CABLES1: variants seen among roughly 807,000 people sequenced by gnomAD.
The protein encoded by CABLES1 is Cdk5 and Abl enzyme substrate 1.
CABLES1 carries 36 observed loss-of-function variants against 57.8 expected under a neutral mutation model. The ratio of observed to expected loss-of-function variants is 0.62; its 90% CI spans 0.48 to 0.82. The LOEUF is 0.82. CABLES1 is among the 40% of genes least tolerant of loss of function. The probability of loss-of-function intolerance (pLI) is 0.00; values close to 1 mark genes in which losing one functional copy is unlikely to be tolerated. For missense variants in CABLES1, 767 were observed against 836.6 expected, an observed-to-expected ratio of 0.92 and a Z score of 1.03; for synonymous variants, 374 against 363.0, an observed-to-expected ratio of 1.03 and a Z score of -0.35.
At chr18:23,197,313 G>A (rs1474626223) in intron 3 of CABLES1, 1 of 152,242 alleles carries the variant, frequency 6.6e-6, no homozygotes, top group Admixed American at 6.5e-5. Context: ...TTCACCCTGT[G>A]ACACTGGACC....
intron 3 of CABLES1, among the ~76,000 whole-genome samples, chr18:23,211,814 T>TA (rs1199732513): frequency 6.6e-6 from 1 of 152,260 alleles, no homozygotes; most frequent in Non-Finnish European, 1.5e-5. Flanking sequence ...TATTGGCTGT[T>TA]ACGTCTCTGT....
At chr18:23,167,610 A>G (rs1414602564) in intron 1 of CABLES1, among the ~76,000 whole-genome samples, 1 of 152,156 alleles carries the variant, frequency 6.6e-6, no homozygotes, top group Non-Finnish European at 1.5e-5. Context: ...CTGTGCACCT[A>G]ATATGAGTTA....
chr18:23,179,682 T>C (rs2047150261), intron 1 of CABLES1, among the ~76,000 whole-genome samples: 1 of 152,210 alleles, frequency 6.6e-6, no homozygotes. Flanking sequence ...TGCTGCCAGG[T>C]GAGCAGTAAG....
chr18:23,178,439 C>T (rs977600690), intron 1 of CABLES1, among the ~76,000 whole-genome samples: 1 of 150,932 alleles, frequency 6.6e-6, no homozygotes. Flanking sequence ...GCCTGATGTC[C>T]TGATACCCTA....
chr18:23,238,434 A>G (rs2047659195), intron 7 of CABLES1, among the ~76,000 whole-genome samples: 1 of 152,224 alleles, frequency 6.6e-6, no homozygotes, highest in Non-Finnish European at 1.5e-5. Context: ...AGTCAAAGGC[A>G]TTTAGTTTGA....
At position 23,258,257 on chromosome 18, in the gene CABLES1, C is replaced by G. The variant is rs2048214267; in HGVS notation, c.*890C>G. ...TGGAGATGGCTGGGGCGGCGCCCCACAGTGTGTATTCCTGTCCTCTATGTT... is the reference window on the plus strand; with the variant it reads ...TGGAGATGGCTGGGGCGGCGCCCCAGAGTGTGTATTCCTGTCCTCTATGTT... On this transcript the variant is annotated 3_prime_UTR_variant, in exon 10 of 10. Coordinates refer to ENST00000256925, the MANE Select transcript of CABLES1 (RefSeq NM_001100619.3). The G allele has an allele frequency of 6.6e-6, 1 of 152,640 alleles. No homozygotes were observed. The highest frequency in any genetic ancestry group is 2.4e-5 in the African/African-American group (1 of 41,446). 9.5% of individuals were successfully genotyped at this position (152,640 alleles called of 1,614,324 possible).
At chr18:23,185,584 G>A (rs2047197047) in intron 1 of CABLES1, among the ~76,000 whole-genome samples, 2 of 152,104 alleles carry the variant, frequency 1.3e-5, no homozygotes, top group African/African-American at 2.4e-5. Flanking sequence ...TGCCCGAAGA[G>A]CCCACCCAGG....
intron 1 of CABLES1, among the ~76,000 whole-genome samples, chr18:23,162,537 C>T (rs746264818): frequency 2.6e-5 from 4 of 152,168 alleles, no homozygotes; most frequent in Non-Finnish European, 5.9e-5. Context: ...TTGGTTTTCA[C>T]CTTAAGGGAA....
chr18:23,179,017 G>A (rs1271859221), intron 1 of CABLES1, among the ~76,000 whole-genome samples: 2 of 152,174 alleles, frequency 1.3e-5, no homozygotes, highest in Non-Finnish European at 2.9e-5. Flanking sequence ...CGGGCGTGGT[G>A]GCTCACACCA....
chr18:23,167,292 CG>C (rs1465367168), intron 1 of CABLES1, among the ~76,000 whole-genome samples: 5 of 152,122 alleles, frequency 3.3e-5, no homozygotes, highest in African/African-American at 1.2e-4. Context: ...TGGAGGAACT[CG>C]GCCCCTCACG....
chr18:23,161,780 G>C (rs1438595682), intron 1 of CABLES1, among the ~76,000 whole-genome samples: 7 of 146,416 alleles, frequency 4.8e-5, no homozygotes, highest in African/African-American at 1.8e-4. Flanking sequence ...AAAAAAGCCA[G>C]GTGTGGTGGT....
chr18:23,147,646 A>G (rs983455069), intron 1 of CABLES1, among the ~76,000 whole-genome samples: 7 of 152,246 alleles, frequency 4.6e-5, no homozygotes, highest in African/African-American at 1.7e-4. Context: ...GCAGAGAGAA[A>G]CAGTACCCCT....
At chr18:23,244,798 G>C (rs971344246) in intron 7 of CABLES1, among the ~76,000 whole-genome samples, 9 of 152,190 alleles carry the variant, frequency 5.9e-5, no homozygotes, top group Admixed American at 5.9e-4. Flanking sequence ...AGGTCTTACA[G>C]CTAGCTCCTG....
At chr18:23,198,427 A>C (rs1191045296) in intron 3 of CABLES1, among the ~76,000 whole-genome samples, 1 of 152,238 alleles carries the variant, frequency 6.6e-6, no homozygotes, top group African/African-American at 2.4e-5. Context: ...AAACAGCCTG[A>C]GTAGGGCATT....
Position 23,135,957 on chromosome 18 carries a change from C to T in CABLES1, c.195C>T (p.Ala65=), listed in dbSNP as rs753293883. The change falls in exon 1 of 10, where the codon GCC becomes GCT. Residue 65 remains alanine, a synonymous_variant. Coordinates refer to ENST00000256925, the MANE Select transcript of CABLES1 (RefSeq NM_001100619.3). ...TGGACCCGCGGCGCCGCCAGGCTGC[C>T]CTCTCCTTCCTCACCAACATCTCGC... is the stretch of plus-strand genomic sequence containing the variant. ...PRMDPRRRQA[A]LSFLTNISLD... is the part of the protein sequence containing the mutation. 3.0e-5 allele frequency: 34 copies of T among 1,136,790 alleles called. No individual in the cohort carries two copies. The highest frequency in any genetic ancestry group is 1.7e-4 in the Admixed American group (4 of 23,218). 70.4% of individuals were successfully genotyped at this position (1,136,790 alleles called of 1,614,324 possible).
At chr18:23,239,176 T>C (rs1041872308) in intron 7 of CABLES1, among the ~76,000 whole-genome samples, 4 of 152,260 alleles carry the variant, frequency 2.6e-5, no homozygotes, top group Admixed American at 6.5e-5. Flanking sequence ...ATACAACTTT[T>C]CCTCCTTAGA....
chr18:23,212,385 T>C (rs2047411384), intron 3 of CABLES1, among the ~76,000 whole-genome samples: 1 of 152,130 alleles, frequency 6.6e-6, no homozygotes, highest in Non-Finnish European at 1.5e-5. Flanking sequence ...GGCTCAGAAG[T>C]GTTAGTAAGC....
chr18:23,203,314 G>A (rs1165234441), intron 3 of CABLES1, among the ~76,000 whole-genome samples: 1 of 152,172 alleles, frequency 6.6e-6, no homozygotes, highest in Non-Finnish European at 1.5e-5. Context: ...AACAGGTAGA[G>A]AAATGTCCTC....
chr18:23,201,874 A>T (rs1418600673), intron 3 of CABLES1, among the ~76,000 whole-genome samples: 2 of 152,136 alleles, frequency 1.3e-5, no homozygotes, highest in Non-Finnish European at 2.9e-5. Flanking sequence ...GGGAGACCTG[A>T]CAGTGGAGGT....
Sources: gnomAD v4.1 joint callset for allele counts (sites outside exome capture counted in the v4.1 genomes callset) on GRCh38, gnomAD v4.1.1 for gene constraint, MANE v1.5 for transcripts, NCBI Gene and HGNC (gene_info 2026-07-23, HGNC 2026-07-21) for gene names.